GIGYF2: variants seen among roughly 807,000 people sequenced by gnomAD.
GIGYF2 encodes the protein GRB10 interacting GYF protein 2, also known as GRB10-interacting GYF protein 2.
A neutral mutation model predicts 208.1 loss-of-function variants in GIGYF2; 25 were observed. The observed-to-expected ratio is 0.12, with a 90% CI of 0.09 to 0.17. GIGYF2 has a LOEUF of 0.17. Ranked by LOEUF, GIGYF2 falls within the 10% of genes least tolerant of loss-of-function variation. The probability of loss-of-function intolerance (pLI) is 1.00; values close to 1 mark genes in which losing one functional copy is unlikely to be tolerated. For missense variants in GIGYF2, 1,302 were observed against 1,579.4 expected, an observed-to-expected ratio of 0.82 and a Z score of 2.98; for synonymous variants, 534 against 543.8, an observed-to-expected ratio of 0.98 and a Z score of 0.25.
intron 9 of GIGYF2, 101 bp from the exon 10 acceptor site, chr2:232,790,597 C>T (rs1031915327): frequency 8.2e-5 from 80 of 971,598 alleles, no homozygotes; most frequent in Non-Finnish European, 1.1e-4. Flanking sequence ...TTTGAGTTTG[C>T]GGTCACTTGT....
chr2:232,858,229 C>G lies in GIGYF2; in HGVS notation c.*1369C>G, dbSNP rs1336403071. ...GCGAGAGGTGCTGTGGTCTGGGCAG[C>G]CCCTGGAAAAGCACCTTTGCTGCCT... On this transcript the variant is annotated 3_prime_UTR_variant, in exon 29 of 29. Coordinates refer to ENST00000373563, the MANE Select transcript of GIGYF2 (RefSeq NM_001103146.3). 3 of 338,828 alleles carry G rather than the reference C, an allele frequency of 8.9e-6. No homozygotes were observed. 21.0% of individuals were successfully genotyped at this position (338,828 alleles called of 1,614,324 possible). A position where few individuals can be genotyped will look rare whatever the true frequency, so the allele number is the denominator to read the frequency against.
At position 232,790,701 on chromosome 2, in the gene GIGYF2, G is replaced by A. The variant is rs1278979792; in HGVS notation, c.716G>A (p.Gly239Asp). 6.2e-7 allele frequency: 1 copy of A among 1,612,974 alleles called. No homozygotes were observed. The highest frequency in any genetic ancestry group is 8.5e-7 in the Non-Finnish European group (1 of 1,179,048). The change falls in exon 10 of 29, where the codon GGC becomes GAC. Residue 239 changes from glycine (G) to aspartate (D), a missense_variant. Physicochemically the swap from Gly to Asp is moderately conservative, Grantham distance 94 (BLOSUM62 -1). This residue lies in a region of GIGYF2 where 189 missense variants were observed against 257.7 expected (regional missense o/e 0.73). Coordinates refer to ENST00000373563, the MANE Select transcript of GIGYF2 (RefSeq NM_001103146.3). ...GERWRPHSPD[G>D]PRSAGWREHM... Reference sequence around the variant, plus strand: ...TGTGTCCTCCTTCTCATCTCAGATGGCCCTCGTTCTGCAGGCTGGCGGGAA... The same window carrying A: ...TGTGTCCTCCTTCTCATCTCAGATGACCCTCGTTCTGCAGGCTGGCGGGAA...
chr2:232,702,180 T>C (rs1036342246), intron 1 of GIGYF2, among the ~76,000 whole-genome samples: 2 of 152,158 alleles, frequency 1.3e-5, no homozygotes, highest in African/African-American at 4.8e-5. Flanking sequence ...GGCTCATGCC[T>C]GTAATCCCAG....
At chr2:232,832,793 G>C (rs967194121) in intron 21 of GIGYF2, 64 bp from the exon 22 acceptor site, 1 of 1,220,540 alleles carries the variant, frequency 8.2e-7, no homozygotes, top group African/African-American at 1.5e-5. Flanking sequence ...TTTCAAAAGT[G>C]AGTCAGATTT....
At chr2:232,740,852 A>G (rs916124463) in intron 3 of GIGYF2, among the ~76,000 whole-genome samples, 19 of 152,202 alleles carry the variant, frequency 1.2e-4, no homozygotes, top group African/African-American at 4.3e-4. Flanking sequence ...CAGAAAGGGT[A>G]AAATATTTCT....
intron 8 of GIGYF2, among the ~76,000 whole-genome samples, chr2:232,774,066 G>T (rs548681285): frequency 4.9e-4 from 75 of 151,904 alleles, no homozygotes; most frequent in Non-Finnish European, 9.3e-4. Context: ...AGGATTGCTT[G>T]AGGTCGGGAA....
intron 2 of GIGYF2, chr2:232,719,079 G>A (rs1024198763): frequency 1.3e-5 from 2 of 151,392 alleles, no homozygotes; most frequent in Admixed American, 1.3e-4. Flanking sequence ...TGCAAACTCT[G>A]CCTTCGAGCA....
In GIGYF2 at chr2:232,735,249, A is replaced by C; in HGVS notation, c.41+11A>C. 1 of 1,580,776 alleles carries C rather than the reference A, an allele frequency of 6.3e-7. No homozygotes were observed. Among genetic ancestry groups the C allele is most frequent in the Non-Finnish European group, 8.7e-7 (1 of 1,149,688 alleles). On this transcript the variant is annotated intron_variant, in intron 3 of 28. Coordinates refer to ENST00000373563, the MANE Select transcript of GIGYF2 (RefSeq NM_001103146.3). ...CTTTGGGCCTGAATGGTGAGTTTTC[A>C]AAATCTCATCTTCTTTGATATTGGA...
Position 232,836,312 on chromosome 2 carries a change from A to ACTTATATATT in GIGYF2, c.2766+3219_2766+3220insCTTATATATT, listed in dbSNP as rs1559160612. On this transcript the variant is annotated intron_variant, in intron 22 of 28. Coordinates refer to ENST00000373563, the MANE Select transcript of GIGYF2 (RefSeq NM_001103146.3). ...TATATATATATATATATATATATAT[A>ACTTATATATT]TATATATATATATATATACATATAT... is the stretch of plus-strand genomic sequence containing the variant. Among the ~76,000 whole-genome samples, 18 of 23,378 alleles carry ACTTATATATT rather than the reference A, an allele frequency of 7.7e-4. 3 individuals are homozygous for ACTTATATATT. Among genetic ancestry groups the ACTTATATATT allele is most frequent in the African/African-American group, 2.6e-3 (18 of 6,994 alleles). 15.3% of individuals were successfully genotyped at this position (23,378 alleles called of 152,430 possible).
At chr2:232,776,372 TG>T in intron 8 of GIGYF2, 1 of 1,091,652 alleles carries the variant, frequency 9.2e-7, no homozygotes, top group Non-Finnish European at 1.4e-6. Flanking sequence ...CTAGCTCTGT[TG>T]CTATTTGCCA....
intron 3 of GIGYF2, 45 bp from the exon 4 acceptor site, chr2:232,747,569 TG>T: frequency 1.2e-6 from 2 of 1,611,216 alleles, no homozygotes; most frequent in Non-Finnish European, 1.7e-6. Context: ...ATAAAAAGTC[TG>T]TAGCACCAGA....
intron 21 of GIGYF2, among the ~76,000 whole-genome samples, chr2:232,832,430 C>T (rs930248198): frequency 1.3e-5 from 2 of 152,300 alleles, no homozygotes; most frequent in African/African-American, 4.8e-5. Flanking sequence ...ATTCTGTGGT[C>T]TTGGAAAGTT....
At chr2:232,732,319 T>C (rs1455596939) in intron 2 of GIGYF2, among the ~76,000 whole-genome samples, 1 of 152,158 alleles carries the variant, frequency 6.6e-6, no homozygotes, top group East Asian at 1.9e-4. Context: ...GGCTTGTGTG[T>C]TTTTCCCCCC....
chr2:232,830,132 C>T (rs1026180224), intron 21 of GIGYF2, among the ~76,000 whole-genome samples: 6 of 152,044 alleles, frequency 3.9e-5, no homozygotes, highest in African/African-American at 7.2e-5. Flanking sequence ...AGGCACATGC[C>T]CCATACCTGG....
rs116394335 is a variant in GIGYF2, at chr2:232,775,936, G to C, written c.533-11214G>C. On this transcript the variant is annotated intron_variant, in intron 8 of 28. Coordinates refer to ENST00000373563, the MANE Select transcript of GIGYF2 (RefSeq NM_001103146.3). ...GTTCTAACCCTGTTATATAAGCTCA[G>C]AGATTCTATTTTAATTTCTCAGTTG... Among the ~76,000 whole-genome samples the C allele has an allele frequency of 5.1e-3, 781 of 152,276 alleles. 4 individuals carry two copies. The highest frequency in any genetic ancestry group is 0.018 in the African/African-American group (756 of 41,562).
At chr2:232,755,419 C>T (rs113595799) in intron 5 of GIGYF2, among the ~76,000 whole-genome samples, 3,537 of 152,242 alleles carry the variant, frequency 0.023, 153 homozygotes, top group African/African-American at 0.081. Flanking sequence ...CCACCTGCCT[C>T]GGCCTCCCAA....
intron 2 of GIGYF2, among the ~76,000 whole-genome samples, chr2:232,726,874 G>A (rs1158197785): frequency 6.6e-6 from 1 of 152,184 alleles, no homozygotes; most frequent in South Asian, 2.1e-4. Context: ...AGAGATAAAA[G>A]CATAAATATA....
intron 14 of GIGYF2, among the ~76,000 whole-genome samples, chr2:232,805,294 G>A (rs756856144): frequency 7.2e-5 from 11 of 152,068 alleles, no homozygotes; most frequent in Admixed American, 3.3e-4. Context: ...GGTCTATCAC[G>A]TGGTGGTTAC....
intron 11 of GIGYF2, 28 bp from the exon 12 acceptor site, chr2:232,791,230 G>A (rs1377646772): frequency 6.2e-7 from 1 of 1,613,790 alleles, no homozygotes; most frequent in East Asian, 2.2e-5. Flanking sequence ...ACTTTCGTAA[G>A]TTCAACTAAG....
Sources: allele counts gnomAD v4.1 joint callset (sites outside exome capture counted in the v4.1 genomes callset), GRCh38; gene constraint gnomAD v4.1.1; regional missense constraint gnomAD v4.1.1; transcripts MANE v1.5; gene names NCBI Gene and HGNC (gene_info 2026-07-23, HGNC 2026-07-21).